NFAT5: variants seen among roughly 807,000 people sequenced by gnomAD.
NFAT5 encodes nuclear factor of activated T cells 5, also known as nuclear factor of activated T-cells 5.
NFAT5 carries 31 observed loss-of-function variants against 166.5 expected under a neutral mutation model. The observed-to-expected ratio is 0.19, with a 90% CI of 0.14 to 0.25. The LOEUF (loss-of-function observed/expected upper bound fraction) is 0.25, where lower values mean the gene tolerates loss of function less well. Ranked by LOEUF, NFAT5 falls within the 10% of genes least tolerant of loss-of-function variation. The probability of loss-of-function intolerance (pLI) is 1.00; values close to 1 mark genes in which losing one functional copy is unlikely to be tolerated. For synonymous variants in NFAT5, 612 were observed against 639.7 expected (o/e 0.96, Z 0.65); for missense variants, 1,449 against 1,821.8 (o/e 0.80, Z 3.72).
intron 6 of NFAT5, among the ~76,000 whole-genome samples, chr16:69,659,105 A>G (rs753654525): frequency 1.3e-5 from 2 of 151,866 alleles, no homozygotes; most frequent in East Asian, 3.8e-4. Flanking sequence ...CTCTGTAAAG[A>G]AAGAGACTAA....
intron 2 of NFAT5, among the ~76,000 whole-genome samples, chr16:69,569,531 T>G (rs535380287): frequency 8.5e-5 from 13 of 152,124 alleles, no homozygotes; most frequent in Non-Finnish European, 1.9e-4. Flanking sequence ...GGGGGGCAAG[T>G]GGGTTTTGTA....
intron 2 of NFAT5, among the ~76,000 whole-genome samples, chr16:69,608,326 T>C (rs565715122): frequency 6.6e-6 from 1 of 152,104 alleles, no homozygotes; most frequent in African/African-American, 2.4e-5. Flanking sequence ...AACTAGATAC[T>C]CTAAGGAGAT....
intron 2 of NFAT5, among the ~76,000 whole-genome samples, chr16:69,587,759 C>G (rs1356461027): frequency 6.6e-6 from 1 of 151,890 alleles, no homozygotes; most frequent in African/African-American, 2.4e-5. Flanking sequence ...AGATTATTGC[C>G]ACAGCTGACA....
At chr16:69,629,768 A>ATTTT (rs761809860) in intron 3 of NFAT5, among the ~76,000 whole-genome samples, 8 of 111,734 alleles carry the variant, frequency 7.2e-5, no homozygotes, top group African/African-American at 2.4e-4. Flanking sequence ...CACTGGGCTA[A>ATTTT]TTTTTTTTTT....
chr16:69,635,354 T>TAG (rs1272150707), intron 3 of NFAT5, among the ~76,000 whole-genome samples: 1 of 152,142 alleles, frequency 6.6e-6, no homozygotes, highest in Non-Finnish European at 1.5e-5. Flanking sequence ...TAAAAATTAG[T>TAG]TTTGAACTTT....
In NFAT5 at chr16:69,659,687, A is replaced by G. The variant is rs770208152; in HGVS notation, c.1197-40A>G. The G allele has an allele frequency of 2.7e-6, 4 of 1,475,720 alleles. No individual in the cohort carries two copies. The East Asian group carries it at 9.3e-5, about 34-fold the overall frequency. 91.4% of individuals were successfully genotyped at this position (1,475,720 alleles called of 1,614,324 possible). Reference sequence around the variant, plus strand: ...TGATTAAGAACATTATACTATTTATACAACAAAATGTCCCTTTATATATTT... The same window carrying G: ...TGATTAAGAACATTATACTATTTATGCAACAAAATGTCCCTTTATATATTT... On this transcript the variant is annotated intron_variant, in intron 6 of 14. Transcript: ENST00000349945.
intron 2 of NFAT5, among the ~76,000 whole-genome samples, 162 bp downstream of exon 2, chr16:69,568,710 T>C (rs2016260593): frequency 6.6e-6 from 1 of 152,112 alleles, no homozygotes; most frequent in Admixed American, 6.6e-5. Context: ...TTTCAATGGG[T>C]TTTGTTGCTG....
intron 11 of NFAT5, chr16:69,685,632 T>A (rs2037268453): frequency 6.6e-6 from 1 of 151,352 alleles, no homozygotes; most frequent in Admixed American, 6.6e-5. Flanking sequence ...GTAGGAAGAT[T>A]ACTTGAGTCC....
At chr16:69,597,046 A>G (rs1013207835) in intron 2 of NFAT5, among the ~76,000 whole-genome samples, 4 of 152,188 alleles carry the variant, frequency 2.6e-5, no homozygotes, top group African/African-American at 9.7e-5. Context: ...AAAATTAGTC[A>G]TGTAAAGATT....
rs189877263 is a variant in NFAT5 at position 69,692,029 on chromosome 16, A to T, written c.2204A>T (p.Gln735Leu). The T allele has an allele frequency of 1.0e-4, 169 of 1,614,200 alleles. No individual in the cohort carries two copies. The highest frequency in any genetic ancestry group is 6.2e-4 in the Admixed American group (37 of 60,034). ...QATQFQTRET[Q>L]SREILQSDGT... ...ACACAGTTTCAGACAAGAGAAACTC[A>T]GTCTAGAGAGATATTACAGTCAGAT... Residue 735 changes from glutamine (Q) to leucine (L), a missense_variant, in exon 13 of 15, where the codon CAG (glutamine) becomes CTG (leucine). Coordinates refer to ENST00000349945, the MANE Select transcript of NFAT5 (RefSeq NM_138713.4).
chr16:69,597,892 C>T lies in NFAT5; in HGVS notation c.128-28511C>T, dbSNP rs565580840. ...ACAGGCGTGAGCCACCACGCCCAGC[C>T]GGACCTAGTGTGAATAGAGGGTAGA... On this transcript the variant is annotated intron_variant, in intron 2 of 14. Coordinates refer to ENST00000349945, the MANE Select transcript of NFAT5 (RefSeq NM_138713.4). 6.6e-4 allele frequency among the ~76,000 whole-genome samples: 100 copies of T among 152,236 alleles called. 1 individual carries two copies. The highest frequency in any genetic ancestry group is 2.2e-3 in the African/African-American group (93 of 41,532).
intron 14 of NFAT5, among the ~76,000 whole-genome samples, chr16:69,696,135 A>G (rs570920073): frequency 6.6e-6 from 1 of 152,376 alleles, no homozygotes; most frequent in South Asian, 2.1e-4. Context: ...ACATCTGATG[A>G]GTATGCAAAA....
intron 6 of NFAT5, among the ~76,000 whole-genome samples, chr16:69,656,340 T>G (rs1002529897): frequency 6.6e-6 from 1 of 150,968 alleles, no homozygotes; most frequent in Non-Finnish European, 1.5e-5. Context: ...CAAAGCCAAG[T>G]GGAAAGCTGG....
intron 2 of NFAT5, among the ~76,000 whole-genome samples, chr16:69,604,725 T>A (rs947537513): frequency 6.6e-6 from 1 of 152,196 alleles, no homozygotes; most frequent in African/African-American, 2.4e-5. Flanking sequence ...CCATCTTCAA[T>A]CTCCCCTGCC....
At chr16:69,635,191 A>G (rs973509867) in intron 3 of NFAT5, among the ~76,000 whole-genome samples, 1 of 151,906 alleles carries the variant, frequency 6.6e-6, no homozygotes, top group African/African-American at 2.4e-5. Context: ...TTGTATTTTT[A>G]GTAGAGACAG....
At chr16:69,623,426 C>G (rs928333649) in intron 2 of NFAT5, among the ~76,000 whole-genome samples, 2 of 151,424 alleles carry the variant, frequency 1.3e-5, no homozygotes, top group Non-Finnish European at 2.9e-5. Context: ...CTCCTGGGTT[C>G]AAGCAGTTTT....
intron 7 of NFAT5, among the ~76,000 whole-genome samples, chr16:69,661,539 TA>T (rs1037382239): frequency 0.02 from 768 of 37,892 alleles, 1 homozygote; most frequent in Non-Finnish European, 0.028. Flanking sequence ...CCCAGTCTCT[TA>T]AAAAAAAAAA....
intron 3 of NFAT5, among the ~76,000 whole-genome samples, chr16:69,629,867 C>CA (rs1473897884): frequency 2.0e-5 from 3 of 150,224 alleles, no homozygotes; most frequent in African/African-American, 7.4e-5. Context: ...CCCCTGGGCT[C>CA]AAGTGATCCT....
chr16:69,604,965 G>C (rs2033327730), intron 2 of NFAT5, among the ~76,000 whole-genome samples: 6 of 152,078 alleles, frequency 3.9e-5, no homozygotes, highest in Admixed American at 3.9e-4. Context: ...TGGACATTCA[G>C]GTTATTTCCA....
Sources: allele counts gnomAD v4.1 joint callset (sites outside exome capture counted in the v4.1 genomes callset), GRCh38; gene constraint gnomAD v4.1.1; transcripts MANE v1.5; gene names NCBI Gene and HGNC (gene_info 2026-07-23, HGNC 2026-07-21).